The following ZFAND3 variants were observed in gnomAD, a reference collection of about 807,000 sequenced individuals.
ZFAND3 encodes the protein AN1-type zinc finger protein 3.
In ZFAND3, 10 loss-of-function variants were observed where a neutral mutation model predicts 29.6. That is an observed-to-expected ratio of 0.34 (90% CI 0.21 to 0.57). The LOEUF is 0.57. Ranked by LOEUF, ZFAND3 falls within the 20% of genes least tolerant of loss-of-function variation. The pLI, the probability that ZFAND3 is intolerant of heterozygous loss-of-function variation, is 0.86. For synonymous variants in ZFAND3, 128 were observed against 112.6 expected (o/e 1.14, Z -0.87); for missense variants, 230 against 304.5 (o/e 0.76, Z 1.82).
intron 5 of ZFAND3, among the ~76,000 whole-genome samples, chr6:38,144,232 T>TATATAATATATATATATATA (rs147631639): frequency 2.1e-4 from 10 of 48,294 alleles, no homozygotes; most frequent in African/African-American, 1.2e-3. Flanking sequence ...TATATATATA[T>TATATAATATATATATATATA]TTTTTTTTTA....
intron 1 of ZFAND3, among the ~76,000 whole-genome samples, chr6:37,826,813 C>A (rs1477223367): frequency 6.6e-6 from 1 of 151,818 alleles, no homozygotes; most frequent in Non-Finnish European, 1.5e-5. Flanking sequence ...AATGGCACTG[C>A]CCAGTATGGT....
At chr6:38,082,631 T>G (rs1764686175) in intron 4 of ZFAND3, among the ~76,000 whole-genome samples, 174 bp downstream of exon 4, 1 of 152,106 alleles carries the variant, frequency 6.6e-6, no homozygotes, top group Non-Finnish European at 1.5e-5. Context: ...ATGATGTTTT[T>G]GGGGAGTCAG....
intron 2 of ZFAND3, among the ~76,000 whole-genome samples, chr6:37,960,768 T>G (rs775217208): frequency 5.9e-5 from 9 of 151,942 alleles, no homozygotes; most frequent in Non-Finnish European, 2.9e-5. Flanking sequence ...TCTTCCCCAC[T>G]CCTTTCCCTA....
At chr6:38,061,854 C>A in intron 3 of ZFAND3, 79 bp downstream of exon 3, 1 of 1,472,298 alleles carries the variant, frequency 6.8e-7, no homozygotes, top group Admixed American at 2.3e-5. Flanking sequence ...TGCCTGACCC[C>A]AGAAAAAACA....
chr6:38,084,365 T>G (rs888235931), intron 4 of ZFAND3, among the ~76,000 whole-genome samples: 2 of 152,224 alleles, frequency 1.3e-5, no homozygotes, highest in Non-Finnish European at 2.9e-5. Context: ...CAAAATTTTG[T>G]TCTTCATCTG....
At chr6:38,023,122 A>C (rs1045509880) in intron 2 of ZFAND3, among the ~76,000 whole-genome samples, 1 of 152,216 alleles carries the variant, frequency 6.6e-6, no homozygotes, top group African/African-American at 2.4e-5. Flanking sequence ...CTTTCAATAC[A>C]CTCTAACCAT....
At chr6:38,016,580 GCTC>G (rs1286371268) in intron 2 of ZFAND3, among the ~76,000 whole-genome samples, 1 of 152,134 alleles carries the variant, frequency 6.6e-6, no homozygotes, top group Admixed American at 6.5e-5. Context: ...AAAGGAAAAA[GCTC>G]CTTTAAAAAT....
At chr6:38,144,225 A>ATTTTTTT (rs1562016181) in intron 5 of ZFAND3, among the ~76,000 whole-genome samples, 1 of 75,556 alleles carries the variant, frequency 1.3e-5, no homozygotes, top group East Asian at 3.6e-4. Flanking sequence ...TATAATATAT[A>ATTTTTTT]TATATATTTT....
chr6:38,082,455 C>T lies in ZFAND3; in HGVS notation c.359C>T (p.Thr120Ile). ...LITPTKRSCGTDSQSENEASP... is the reference protein window; with the variant it reads ...LITPTKRSCGIDSQSENEASP... ...ACACCAACAAAAAGATCCTGTGGTA[C>T]AGGTATGTACGTCATTCTTATGTGA... is the stretch of plus-strand genomic sequence containing the variant. Residue 120 changes from threonine to isoleucine, a missense_variant and splice_region_variant, in exon 4 of 6, where the codon ACA (threonine) becomes ATA (isoleucine). By Grantham distance (89) the Thr-to-Ile change is moderately conservative. Transcript: ENST00000287218. The T allele has an allele frequency of 6.2e-7, 1 of 1,611,202 alleles. No homozygotes were observed. The highest frequency in any genetic ancestry group is 8.5e-7 in the Non-Finnish European group (1 of 1,178,326).
chr6:37,821,927 G>A (rs543502641), intron 1 of ZFAND3, among the ~76,000 whole-genome samples: 1 of 152,266 alleles, frequency 6.6e-6, no homozygotes, highest in South Asian at 2.1e-4. Context: ...TGCACCTCCC[G>A]GGTTCAAGCA....
chr6:37,853,278 G>T (rs948673623), intron 1 of ZFAND3, among the ~76,000 whole-genome samples: 2 of 152,068 alleles, frequency 1.3e-5, no homozygotes, highest in African/African-American at 2.4e-5. Context: ...GGAAGATCAG[G>T]CTTGGATGGG....
At chr6:38,021,702 A>G (rs1399331024) in intron 2 of ZFAND3, among the ~76,000 whole-genome samples, 3 of 152,226 alleles carry the variant, frequency 2.0e-5, no homozygotes, top group Non-Finnish European at 4.4e-5. Context: ...CTCTTCACCC[A>G]TTGCATGCAT....
chr6:37,900,153 T>C (rs1050380844), intron 1 of ZFAND3, among the ~76,000 whole-genome samples: 24 of 152,190 alleles, frequency 1.6e-4, no homozygotes, highest in African/African-American at 5.8e-4. Flanking sequence ...TGTTTAACTG[T>C]GATTTAGTTA....
At chr6:38,094,279 T>C (rs1257368553) in intron 4 of ZFAND3, among the ~76,000 whole-genome samples, 1 of 151,906 alleles carries the variant, frequency 6.6e-6, no homozygotes, top group Non-Finnish European at 1.5e-5. Context: ...AGTTTAAGTT[T>C]ATAGTGGGCC....
chr6:38,034,576 A>G (rs1212622928), intron 2 of ZFAND3, among the ~76,000 whole-genome samples: 5 of 152,176 alleles, frequency 3.3e-5, no homozygotes, highest in African/African-American at 4.8e-5. Flanking sequence ...TTCTTGACCA[A>G]TGTAACTAAA....
At chr6:37,962,639 G>A (rs373621268) in intron 2 of ZFAND3, among the ~76,000 whole-genome samples, 13 of 152,086 alleles carry the variant, frequency 8.5e-5, no homozygotes, top group Admixed American at 5.2e-4. Flanking sequence ...ACCAATCAGC[G>A]CTCTGTGTCT....
At chr6:37,991,817 T>C (rs1278505277) in intron 2 of ZFAND3, among the ~76,000 whole-genome samples, 4 of 152,180 alleles carry the variant, frequency 2.6e-5, no homozygotes, top group Non-Finnish European at 5.9e-5. Flanking sequence ...TATTTTTCAG[T>C]GATTGTTTTT....
rs1327746386 is a variant in ZFAND3 at position 38,116,674 on chromosome 6, G to A, written c.464G>A (p.Arg155His). ...ETSRSKQKSR[R>H]RCFQCQTKLE... ...AGTCGATCTAAACAGAAGAGTCGAC[G>A]TCGGTGCTTCCAGTGCCAAACCAAA... is the stretch of plus-strand genomic sequence containing the variant. The change falls in exon 5 of 6, where the codon CGT (arginine) becomes CAT (histidine). Residue 155 changes from arginine to histidine, a missense_variant. By Grantham distance (29) the Arg-to-His change is conservative (BLOSUM62 0). Transcript: ENST00000287218. The A allele has an allele frequency of 1.2e-6, 2 of 1,614,194 alleles. No homozygotes were observed. The highest frequency in any genetic ancestry group is 8.5e-7 in the Non-Finnish European group (1 of 1,180,024).
intron 3 of ZFAND3, chr6:38,062,295 A>G (rs1764256645): frequency 6.6e-6 from 1 of 152,466 alleles, no homozygotes; most frequent in Non-Finnish European, 1.5e-5. Flanking sequence ...AGAACATAGG[A>G]TGTTTAAAGG....
Sources: gnomAD v4.1 joint callset for allele counts (sites outside exome capture counted in the v4.1 genomes callset) on GRCh38, gnomAD v4.1.1 for gene constraint, MANE v1.5 for transcripts, NCBI Gene and HGNC (gene_info 2026-07-23, HGNC 2026-07-21) for gene names.